The following WDR88 variants were observed in gnomAD, a reference collection of about 807,000 sequenced individuals.
The protein encoded by WDR88 is WD repeat-containing protein 88.
WDR88 carries 40 observed loss-of-function variants against 46.8 expected under a neutral mutation model. The ratio of observed to expected loss-of-function variants is 0.86; its 90% CI spans 0.66 to 1.11. The LOEUF is 1.11. Ranked by LOEUF, WDR88 falls within the 50% of genes most tolerant of loss-of-function variation. The pLI, the probability that WDR88 is intolerant of heterozygous loss-of-function variation, is 0.00. For synonymous variants in WDR88, 235 were observed against 240.7 expected, an observed-to-expected ratio of 0.98 and a Z score of 0.22; for missense variants, 562 against 602.4, an observed-to-expected ratio of 0.93 and a Z score of 0.70.
Position 33,144,821 on chromosome 19 carries a change from CCTCT to C in WDR88, c.388-17_388-14del. 6.2e-7 allele frequency: 1 copy of C among 1,609,122 alleles called. No individual in the cohort carries two copies. The highest frequency in any genetic ancestry group is 1.1e-5 in the South Asian group (1 of 90,432). ...AACACGGCAGTGACCACTCTCTTCT[CCTCT>C]CTCTCCCGTTGATTTGAGGATCCGG... is the stretch of plus-strand genomic sequence containing the variant. On this transcript the variant is annotated intron_variant, in intron 2 of 10. Coordinates refer to ENST00000355868, the MANE Select transcript of WDR88 (RefSeq NM_173479.4).
At chr19:33,142,363 G>A (rs764704285) in intron 2 of WDR88, among the ~76,000 whole-genome samples, 52 of 152,078 alleles carry the variant, frequency 3.4e-4, no homozygotes, top group Admixed American at 6.6e-4. Context: ...GGGAGCACAG[G>A]GATGAGGGGC....
intron 1 of WDR88, among the ~76,000 whole-genome samples, chr19:33,135,171 A>G (rs1973236742): frequency 6.6e-6 from 1 of 151,944 alleles, no homozygotes; most frequent in Admixed American, 6.6e-5. Flanking sequence ...AGTGGTTTCT[A>G]GGGTATTCAG....
In WDR88 at chr19:33,160,505, G is replaced by A; in HGVS notation, c.1080+9G>A. 1 of 1,614,038 alleles carries A rather than the reference G, an allele frequency of 6.2e-7. No homozygotes were observed. The highest frequency in any genetic ancestry group is 8.5e-7 in the Non-Finnish European group (1 of 1,179,928). On this transcript the variant is annotated intron_variant, in intron 8 of 10. Transcript: ENST00000355868. ...GGAAGCTCTCTTTGAAGGTACATGT[G>A]GCCAGCATGAGATTGAGGATCTGAA...
At chr19:33,174,601 A>G (rs980943107) in intron 10 of WDR88, 1 of 983,980 alleles carries the variant, frequency 1.0e-6, no homozygotes. Context: ...TAGCACCTGC[A>G]TCAATCTGCT....
At chr19:33,158,896 C>T (rs752428119) in intron 7 of WDR88, among the ~76,000 whole-genome samples, 25 of 152,154 alleles carry the variant, frequency 1.6e-4, no homozygotes, top group African/African-American at 4.8e-4. Context: ...GATGGGGTTT[C>T]GCCATGTTGT....
intron 8 of WDR88, among the ~76,000 whole-genome samples, chr19:33,160,841 A>G (rs545790514): frequency 6.6e-6 from 1 of 152,296 alleles, no homozygotes; most frequent in East Asian, 1.9e-4. Flanking sequence ...CAGCTGATGC[A>G]AAAACCCTGA....
intron 9 of WDR88, among the ~76,000 whole-genome samples, chr19:33,169,564 G>A (rs905808080): frequency 4.6e-5 from 7 of 151,344 alleles, no homozygotes; most frequent in Non-Finnish European, 8.8e-5. Context: ...CTATTAGGGG[G>A]TCTATAATAA....
At chr19:33,153,617 C>T (rs938009238) in intron 6 of WDR88, among the ~76,000 whole-genome samples, 1 of 152,126 alleles carries the variant, frequency 6.6e-6, no homozygotes, top group Non-Finnish European at 1.5e-5. Flanking sequence ...GCCTCAGCCT[C>T]CCGAGTAGGT....
chr19:33,160,740 G>A (rs1165891428), intron 8 of WDR88, among the ~76,000 whole-genome samples: 2 of 152,238 alleles, frequency 1.3e-5, no homozygotes, highest in Non-Finnish European at 2.9e-5. Context: ...CATGGGCAGA[G>A]CTTCCTGGAG....
chr19:33,167,314 C>T (rs1395982168), intron 9 of WDR88, among the ~76,000 whole-genome samples: 1 of 151,930 alleles, frequency 6.6e-6, no homozygotes, highest in African/African-American at 2.4e-5. Flanking sequence ...AAACCCTATA[C>T]AATCATTTCA....
At chr19:33,170,391 GCTGGT>G (rs2145423840) in intron 9 of WDR88, among the ~76,000 whole-genome samples, 1 of 152,008 alleles carries the variant, frequency 6.6e-6, no homozygotes, top group African/African-American at 2.4e-5. Flanking sequence ...TGTTGCCCAG[GCTGGT>G]CTCAAACTCC....
intron 6 of WDR88, among the ~76,000 whole-genome samples, chr19:33,154,331 C>T (rs1973693884): frequency 1.3e-5 from 2 of 152,062 alleles, no homozygotes; most frequent in African/African-American, 4.8e-5. Context: ...AGGTTTTAAG[C>T]CCCGCATGTG....
At chr19:33,164,642 C>T (rs944662049) in intron 9 of WDR88, among the ~76,000 whole-genome samples, 1 of 152,104 alleles carries the variant, frequency 6.6e-6, no homozygotes, top group African/African-American at 2.4e-5. Context: ...TTGAGATTCC[C>T]ATTCCACTGG....
At chr19:33,168,648 T>TATGA (rs1973991384) in intron 9 of WDR88, among the ~76,000 whole-genome samples, 1 of 152,240 alleles carries the variant, frequency 6.6e-6, no homozygotes, top group Non-Finnish European at 1.5e-5. Context: ...CCTATATTCA[T>TATGA]GGATAGGAAG....
intron 9 of WDR88, among the ~76,000 whole-genome samples, chr19:33,169,245 T>C (rs6510362): frequency 8.6e-5 from 13 of 151,980 alleles, no homozygotes; most frequent in African/African-American, 3.1e-4. Context: ...CAAACTAAAC[T>C]TCGTTGAAAT....
At chr19:33,162,566 G>A (rs1973887025) in intron 8 of WDR88, among the ~76,000 whole-genome samples, 1 of 152,030 alleles carries the variant, frequency 6.6e-6, no homozygotes, top group Non-Finnish European at 1.5e-5. Context: ...CTCTGCTTAA[G>A]CCACAGTGGA....
At chr19:33,158,741 C>T (rs1973809590) in intron 7 of WDR88, among the ~76,000 whole-genome samples, 1 of 152,168 alleles carries the variant, frequency 6.6e-6, no homozygotes, top group Non-Finnish European at 1.5e-5. Context: ...CCTCTGTTGC[C>T]CAGGCTGGAG....
At chr19:33,156,794 G>A (rs754797890) in intron 7 of WDR88, among the ~76,000 whole-genome samples, 2 of 152,212 alleles carry the variant, frequency 1.3e-5, no homozygotes, top group South Asian at 2.1e-4. Flanking sequence ...CCAAGAGCAC[G>A]TCTGACTTCA....
chr19:33,133,220 G>GAAAGAA (rs1279094681), intron 1 of WDR88, among the ~76,000 whole-genome samples: 1 of 146,912 alleles, frequency 6.8e-6, no homozygotes, highest in Non-Finnish European at 1.5e-5. Flanking sequence ...GAGAAAGAAA[G>GAAAGAA]AAAGAAAAAG....
Sources: allele counts gnomAD v4.1 joint callset (sites outside exome capture counted in the v4.1 genomes callset), GRCh38; gene constraint gnomAD v4.1.1; transcripts MANE v1.5; gene names NCBI Gene and HGNC (gene_info 2026-07-23, HGNC 2026-07-21).